Variants in FANCM observed in about 807,000 individuals in gnomAD.
FANCM encodes Fanconi anemia group M protein.
A neutral mutation model predicts 199.5 loss-of-function variants in FANCM; 140 were observed. The observed-to-expected ratio is 0.70, with a 90% CI of 0.61 to 0.81. The LOEUF (loss-of-function observed/expected upper bound fraction) is 0.81. FANCM is among the 30% of genes least tolerant of loss of function. FANCM has a pLI of 0.00. For synonymous variants in FANCM, 840 were observed against 836.8 expected (o/e 1.00, Z -0.07); for missense variants, 2,410 against 2,421.4 (o/e 1.00, Z 0.10).
intron 4 of FANCM, among the ~76,000 whole-genome samples, chr14:45,150,115 T>C (rs952978850): frequency 4.6e-5 from 7 of 152,232 alleles, no homozygotes; most frequent in Non-Finnish European, 7.3e-5. Context: ...GGATTAAAGA[T>C]GGTTACAGAA....
At chr14:45,182,433 G>A (rs115070518) in intron 16 of FANCM, among the ~76,000 whole-genome samples, 2,589 of 152,342 alleles carry the variant, frequency 0.017, 26 homozygotes, top group African/African-American at 0.032. Context: ...AAGGAGTCCA[G>A]GATGACTCTG....
intron 9 of FANCM, among the ~76,000 whole-genome samples, chr14:45,162,009 G>T (rs1040691288): frequency 3.3e-5 from 5 of 152,148 alleles, no homozygotes; most frequent in African/African-American, 1.2e-4. Flanking sequence ...ATGAGATAAA[G>T]GCATATGAAG....
intron 17 of FANCM, 81 bp downstream of exon 17, chr14:45,183,983 C>G (rs1027850894): frequency 9.9e-7 from 1 of 1,005,274 alleles, no homozygotes; most frequent in African/African-American, 1.6e-5. Flanking sequence ...GTAGATTTCT[C>G]TATACATTCT....
chr14:45,187,291 A>G (rs1350526500), intron 18 of FANCM, among the ~76,000 whole-genome samples: 3 of 148,126 alleles, frequency 2.0e-5, no homozygotes, highest in African/African-American at 7.4e-5. Context: ...TCATTATATT[A>G]TAACTTTTAA....
At chr14:45,148,408 G>C (rs1195721588) in intron 3 of FANCM, among the ~76,000 whole-genome samples, 1 of 151,968 alleles carries the variant, frequency 6.6e-6, no homozygotes, top group African/African-American at 2.4e-5. Flanking sequence ...TTGGGTACAT[G>C]AAATTTAGTC....
At position 45,160,885 on chromosome 14, in the gene FANCM, C is replaced by T. The variant is rs565176546; in HGVS notation, c.1581+1605C>T. Among the ~76,000 whole-genome samples the T allele has an allele frequency of 2.6e-5, 4 of 152,090 alleles. No homozygotes were observed. In the East Asian group the frequency reaches 5.8e-4, roughly 22 times the overall value. ...CTGCCCTCACTACACCGAGAAGCGT[C>T]TGTTTAAGCTGACTGGATATGGTGG... is the stretch of plus-strand genomic sequence containing the variant. On this transcript the variant is annotated intron_variant, in intron 9 of 22. Coordinates refer to ENST00000267430, the MANE Select transcript of FANCM (RefSeq NM_020937.4).
chr14:45,198,667 A>G lies in FANCM; in HGVS notation c.5740A>G (p.Arg1914Gly). The change falls in exon 22 of 23, where the codon AGA becomes GGA. Residue 1914 changes from arginine to glycine, a missense_variant. Arg to Gly is a moderately radical substitution (Grantham distance 125). Transcript: ENST00000267430. ...AGGAGACACATCAAGGATGTTTAGG[A>G]GAACAAAGAGCTATGACAGCCTGCT... is the stretch of plus-strand genomic sequence containing the variant. Reference protein sequence around the residue: ...KTGDTSRMFRRTKSYDSLLTT... With the variant: ...KTGDTSRMFRGTKSYDSLLTT... 1.9e-6 allele frequency: 3 copies of G among 1,612,172 alleles called. No individual in the cohort carries two copies. The highest frequency in any genetic ancestry group is 1.1e-5 in the South Asian group (1 of 90,868).
rs1412826290 is a variant in FANCM at position 45,176,967 on chromosome 14, T to G, written c.4213T>G (p.Ser1405Ala). The part of the protein sequence containing the change: ...GPMYLHKSCH[S>A]VEDGQLLTSN... ...AATGTATCTGCATAAATCCTGTCAT[T>G]CTGTTGAAGGTAAGATTCCATCTTT... Residue 1405 changes from serine (S) to alanine (A), a missense_variant, in exon 14 of 23, where the codon TCT becomes GCT. Transcript: ENST00000267430. The G allele has an allele frequency of 1.3e-6, 2 of 1,577,374 alleles. No individual in the cohort carries two copies. Among genetic ancestry groups the G allele is most frequent in the African/African-American group, 2.7e-5 (2 of 74,148 alleles).
intron 14 of FANCM, among the ~76,000 whole-genome samples, chr14:45,179,974 C>A (rs571479477): frequency 6.6e-6 from 1 of 152,264 alleles, no homozygotes; most frequent in Non-Finnish European, 1.5e-5. Context: ...TCCTCAATGG[C>A]CAACTAACCT....
Position 45,144,313 on chromosome 14 carries a change from C to T in FANCM, c.759+3604C>T, listed in dbSNP as rs555769226. 4.5e-4 allele frequency among the ~76,000 whole-genome samples: 67 copies of T among 148,198 alleles called. 1 individual carries two copies. Among genetic ancestry groups the T allele is most frequent in the Middle Eastern group, 6.9e-3 (2 of 290 alleles). On this transcript the variant is annotated intron_variant, in intron 3 of 22. Coordinates refer to ENST00000267430, the MANE Select transcript of FANCM (RefSeq NM_020937.4). The stretch of plus-strand genomic sequence containing the variant: ...ACCCATTAATGTAGTGTCCCCTCCA[C>T]CCCCCTCGCCCACTACCCTTCCCAG...
intron 16 of FANCM, 144 bp from the exon 17 acceptor site, chr14:45,183,630 T>G: frequency 1.7e-6 from 1 of 594,270 alleles, no homozygotes; most frequent in Non-Finnish European, 2.9e-6. Flanking sequence ...TAATATTACC[T>G]AAGTTATTTA....
In FANCM at chr14:45,155,451, C is replaced by A. The variant is rs772663344; in HGVS notation, c.1388C>A (p.Ser463Ter). 5 of 1,467,152 alleles carry A rather than the reference C, an allele frequency of 3.4e-6. No homozygotes were observed. In the South Asian group the frequency reaches 3.4e-5, roughly 10 times the overall value. The allele number at this position is 1,467,152 out of a possible 1,614,324, so 90.9% of individuals were successfully genotyped here. A position where few individuals can be genotyped will look rare whatever the true frequency, so the allele number is the denominator to read the frequency against. ...GAAGTTGTAATTGAACACTTCAAGT[C>A]ATGGAATGGTAGGTCATATTTAGTA... is the stretch of plus-strand genomic sequence containing the variant. ...LEEVVIEHFK[S>*]WNAENTTEKK... The change falls in exon 8 of 23, where the codon TCA becomes TAA. Residue 463 changes from serine to a stop codon, truncating the protein, a stop_gained. Coordinates refer to ENST00000267430, the MANE Select transcript of FANCM (RefSeq NM_020937.4). LOFTEE classifies it high-confidence loss of function.
rs543589388 is a variant in FANCM at position 45,200,649 on chromosome 14, G to T, written c.*641G>T. The T allele has an allele frequency of 6.6e-6, 1 of 152,258 alleles. No individual in the cohort carries two copies. Among genetic ancestry groups the T allele is most frequent in the East Asian group, 1.9e-4 (1 of 5,184 alleles). 9.4% of individuals were successfully genotyped at this position (152,258 alleles called of 1,614,324 possible). A position where few individuals can be genotyped will look rare whatever the true frequency, so the allele number is the denominator to read the frequency against. ...TCTGAATTATAATCCCAATATATTG[G>T]GGAGGGACCTCCTGGAACGTGATTA... On this transcript the variant is annotated 3_prime_UTR_variant, in exon 23 of 23. Coordinates refer to ENST00000267430, the MANE Select transcript of FANCM (RefSeq NM_020937.4).
chr14:45,159,123 A>T lies in FANCM; in HGVS notation c.1424A>T (p.Asp475Val), dbSNP rs1887396632. The part of the protein sequence containing the change: ...NAENTTEKKR[D>V]ETRVMIFSSF... ...GAAAACACTACTGAAAAGAAACGTG[A>T]TGAGACCCGAGTTATGATCTTCTCT... The change falls in exon 9 of 23, where the codon GAT (aspartate) becomes GTT (valine). Residue 475 changes from aspartate (D) to valine (V), a missense_variant. Transcript: ENST00000267430. 2 of 1,610,926 alleles carry T rather than the reference A, an allele frequency of 1.2e-6. No homozygotes were observed. Among genetic ancestry groups the T allele is most frequent in the South Asian group, 2.2e-5 (2 of 90,800 alleles).
chr14:45,177,070 A>G (rs942418568), intron 14 of FANCM, 94 bp downstream of exon 14: 5 of 742,196 alleles, frequency 6.7e-6, no homozygotes, highest in Non-Finnish European at 1.2e-5. Context: ...TTTTTAGTAC[A>G]TGGTACAATA....
rs750022121 is a variant in FANCM, at chr14:45,198,621, T to C, written c.5717-23T>C. On this transcript the variant is annotated intron_variant, in intron 21 of 22. Transcript: ENST00000267430. ...TTAATATTAGTTACTGAAGTTTGCCTTTCCCTAAATATGAATATTTAGGAG... is the reference window on the plus strand; with the variant it reads ...TTAATATTAGTTACTGAAGTTTGCCCTTCCCTAAATATGAATATTTAGGAG... 3.2e-6 allele frequency: 5 copies of C among 1,582,672 alleles called. No individual in the cohort carries two copies. The African/African-American group carries it at 6.7e-5, about 21-fold the overall frequency.
Position 45,187,887 on chromosome 14 carries a change from G to A in FANCM, c.4779G>A (p.Gln1593=), listed in dbSNP as rs1216309701. ...KTHKNINIFS[Q]IPEQDETYLE... ...ATAAAAACATAAACATTTTCTCGCA[G>A]GTATGAACTATAGAAATATAATGGA... Residue 1593 remains glutamine, a splice_region_variant and synonymous_variant, in exon 19 of 23, where the codon CAG becomes CAA. Transcript: ENST00000267430. The A allele has an allele frequency of 1.5e-6, 2 of 1,333,534 alleles. No individual in the cohort carries two copies. Among genetic ancestry groups the A allele is most frequent in the Non-Finnish European group, 2.2e-6 (2 of 925,142 alleles). The allele number at this position is 1,333,534 out of a possible 1,614,324, so 82.6% of individuals were successfully genotyped here. A position where few individuals can be genotyped will look rare whatever the true frequency, so the allele number is the denominator to read the frequency against.
At chr14:45,164,742 A>C (rs891335704) in intron 10 of FANCM, among the ~76,000 whole-genome samples, 177 bp downstream of exon 10, 1 of 152,184 alleles carries the variant, frequency 6.6e-6, no homozygotes, top group Non-Finnish European at 1.5e-5. Flanking sequence ...GACTGGAGTC[A>C]GTTTGCTAAT....
Position 45,187,859 on chromosome 14 carries a change from C to A in FANCM, c.4751C>A (p.Thr1584Lys). 6.5e-7 allele frequency: 1 copy of A among 1,538,832 alleles called. No individual in the cohort carries two copies. Among genetic ancestry groups the A allele is most frequent in the Non-Finnish European group, 9.0e-7 (1 of 1,111,792 alleles). Residue 1584 changes from threonine (T) to lysine (K), a missense_variant, in exon 19 of 23, where the codon ACA becomes AAA. Coordinates refer to ENST00000267430, the MANE Select transcript of FANCM (RefSeq NM_020937.4). ...AATAAGTACAAAATGATTCATAAGACACATAAAAACATAAACATTTTCTCG... is the reference window on the plus strand; with the variant it reads ...AATAAGTACAAAATGATTCATAAGAAACATAAAAACATAAACATTTTCTCG... The part of the protein sequence containing the change: ...MNNKYKMIHK[T>K]HKNINIFSQI...
Sources: allele counts gnomAD v4.1 joint callset (sites outside exome capture counted in the v4.1 genomes callset), GRCh38; gene constraint gnomAD v4.1.1; transcripts MANE v1.5; gene names NCBI Gene and HGNC (gene_info 2026-07-23, HGNC 2026-07-21).